TNFRSF1A: variants seen among roughly 807,000 people sequenced by gnomAD.
TNFRSF1A encodes TNF receptor superfamily member 1A, also known as tumor necrosis factor receptor superfamily member 1A.
Under a neutral mutation model 41.6 loss-of-function variants are expected in TNFRSF1A, and 9 were observed. That is an observed-to-expected ratio of 0.22 (90% CI 0.13 to 0.38). TNFRSF1A has a LOEUF of 0.38. TNFRSF1A is among the 10% of genes least tolerant of loss of function. The pLI, the probability that TNFRSF1A is intolerant of heterozygous loss-of-function variation, is 1.00. For missense variants in TNFRSF1A, 463 were observed against 591.5 expected (o/e 0.78, Z 2.25); for synonymous variants, 254 against 248.6 (o/e 1.02, Z -0.21).
Position 6,329,976 on chromosome 12 carries a change from G to C in TNFRSF1A, c.859C>G (p.Pro287Ala), listed in dbSNP as rs775479253. 23 of 1,589,670 alleles carry C rather than the reference G, an allele frequency of 1.4e-5. No homozygotes were observed. Among genetic ancestry groups the C allele is most frequent in the Non-Finnish European group, 9.4e-6 (11 of 1,166,606 alleles). ...GAGGTGAAGGTGGAACTGGGCACGG[G>C]ACTGAAGCCCAGGGTGGGGGTGAAG... ...PGFTPTLGFS[P>A]VPSSTFTSSS... Residue 287 changes from proline (P) to alanine (A), a missense_variant, in exon 9 of 10, where the codon CCC (proline) becomes GCC (alanine). Around this residue, in one of 4 missense-constraint regions of TNFRSF1A, gnomAD observed 277 missense variants for 288.8 expected, o/e 0.96. Transcript: ENST00000162749.
In TNFRSF1A at chr12:6,337,399, G is replaced by T. The variant is rs371860095; in HGVS notation, c.40-3155C>A. ...AGGAGGCTTTAAAGTGTGACTTCCT[G>T]TGCTGGGGCTGCAGAGTGGGGAGGC... On this transcript the variant is annotated intron_variant, in intron 1 of 9. Transcript: ENST00000162749. This position sits in a 1 kb window ranked among gnomAD's most constrained non-coding sequence, Gnocchi z 4.6. 9.8e-5 allele frequency among the ~76,000 whole-genome samples: 15 copies of T among 152,350 alleles called. No homozygotes were observed. In the East Asian group the frequency reaches 1.2e-3, roughly 12 times the overall value.
Position 6,341,716 on chromosome 12 carries a change from C to T in TNFRSF1A, c.39+60G>A. 5 of 1,602,934 alleles carry T rather than the reference C, an allele frequency of 3.1e-6. No individual in the cohort carries two copies. The highest frequency in any genetic ancestry group is 4.3e-6 in the Non-Finnish European group (5 of 1,173,066). On this transcript the variant is annotated intron_variant, in intron 1 of 9. Coordinates refer to ENST00000162749, the MANE Select transcript of TNFRSF1A (RefSeq NM_001065.4). This position sits in a 1 kb window ranked among gnomAD's most constrained non-coding sequence, Gnocchi z 4.6. The stretch of plus-strand genomic sequence containing the variant: ...GCTCGGCCCCCTCCCGGAGAGGGCC[C>T]ACGCCAGCCGGAAGGTGCCTCGCCC...
intron 7 of TNFRSF1A, 136 bp from the exon 8 acceptor site, chr12:6,330,431 T>G: frequency 1.9e-6 from 2 of 1,043,724 alleles, no homozygotes; most frequent in Non-Finnish European, 3.0e-6. Flanking sequence ...GAGCTACTGA[T>G]GCAGCTCGAC....
chr12:6,340,408 G>A (rs117775665), intron 1 of TNFRSF1A, among the ~76,000 whole-genome samples: 2,266 of 152,302 alleles, frequency 0.015, 71 homozygotes, highest in East Asian at 0.08. Flanking sequence ...GAGGGAGCCA[G>A]GGGCCGCCCC....
Position 6,341,677 on chromosome 12 carries a change from C to A in TNFRSF1A, c.39+99G>T. ...GCCTGAGGCTGGCGCCAGGACCAGG[C>A]CCGGGCAGGAGAGGCTCGGCCCCCT... On this transcript the variant is annotated intron_variant, in intron 1 of 9. Coordinates refer to ENST00000162749, the MANE Select transcript of TNFRSF1A (RefSeq NM_001065.4). This position sits in a 1 kb window ranked among gnomAD's most constrained non-coding sequence, Gnocchi z 4.6. 7.1e-7 allele frequency: 1 copy of A among 1,416,996 alleles called. No homozygotes were observed. Among genetic ancestry groups the A allele is most frequent in the Non-Finnish European group, 9.9e-7 (1 of 1,015,066 alleles). 87.8% of individuals were successfully genotyped at this position (1,416,996 alleles called of 1,614,324 possible).
At chr12:6,336,094 T>C (rs923402797) in intron 1 of TNFRSF1A, among the ~76,000 whole-genome samples, 8 of 152,174 alleles carry the variant, frequency 5.3e-5, no homozygotes, top group African/African-American at 1.7e-4. Flanking sequence ...CTGGAGCACC[T>C]AAGGTCACTG....
At chr12:6,330,755 G>A (rs771436168) in intron 6 of TNFRSF1A, 44 bp from the exon 7 acceptor site, 1 of 1,585,298 alleles carries the variant, frequency 6.3e-7, no homozygotes, top group South Asian at 1.1e-5. Context: ...GGCAGAGGGG[G>A]GCCGCAGGGA....
Position 6,329,267 on chromosome 12 carries a change from C to T in TNFRSF1A, c.*45G>A, listed in dbSNP as rs201961847. The T allele has an allele frequency of 7.0e-7, 1 of 1,426,854 alleles. No homozygotes were observed. The highest frequency in any genetic ancestry group is 9.1e-7 in the Non-Finnish European group (1 of 1,096,850). The allele number at this position is 1,426,854 out of a possible 1,614,324, so 88.4% of individuals were successfully genotyped here. ...TCCAGAAAAAAGTGGGGTTGGAAGGCGATCTCGCAGGACGGTCCTTAGAGC... is the reference window on the plus strand; with the variant it reads ...TCCAGAAAAAAGTGGGGTTGGAAGGTGATCTCGCAGGACGGTCCTTAGAGC... On this transcript the variant is annotated 3_prime_UTR_variant, in exon 10 of 10. Coordinates refer to ENST00000162749, the MANE Select transcript of TNFRSF1A (RefSeq NM_001065.4).
chr12:6,333,537 G>A lies in TNFRSF1A; in HGVS notation c.323-21C>T. 6.2e-7 allele frequency: 1 copy of A among 1,614,040 alleles called. No individual in the cohort carries two copies. Among genetic ancestry groups the A allele is most frequent in the South Asian group, 1.1e-5 (1 of 91,064 alleles). ...CATTTCTGGTGAGGGGAGAAGATGG[G>A]GTATGAGTCCTGCATCCTCCTGTCC... On this transcript the variant is annotated intron_variant, in intron 3 of 9. Coordinates refer to ENST00000162749, the MANE Select transcript of TNFRSF1A (RefSeq NM_001065.4). This position sits in a 1 kb window ranked among gnomAD's most constrained non-coding sequence, Gnocchi z 6.3.
rs1215583006 is a variant in TNFRSF1A, at chr12:6,333,822, C to G, written c.237G>C (p.Thr79=). 3 of 1,596,650 alleles carry G rather than the reference C, an allele frequency of 1.9e-6. No homozygotes were observed. The highest frequency in any genetic ancestry group is 2.6e-6 in the Non-Finnish European group (3 of 1,171,104). ...YNDCPGPGQD[T]DCRECESGSF... ...AGCCGCTCTCACACTCCCTGCAGTCCGTATCCTGCCCCGGGCCTGGACAGT... is the reference window on the plus strand; with the variant it reads ...AGCCGCTCTCACACTCCCTGCAGTCGGTATCCTGCCCCGGGCCTGGACAGT... Residue 79 remains threonine, a synonymous_variant, in exon 3 of 10, where the codon ACG becomes ACC. Coordinates refer to ENST00000162749, the MANE Select transcript of TNFRSF1A (RefSeq NM_001065.4). The surrounding 1 kb of genome is among the most constrained non-coding windows in gnomAD (Gnocchi z 6.3).
intron 5 of TNFRSF1A, chr12:6,331,669 C>T (rs553687882): frequency 6.0e-6 from 1 of 167,840 alleles, no homozygotes; most frequent in East Asian, 1.8e-4. Flanking sequence ...ACCACTCAAG[C>T]TCATGGTGAG....
Position 6,334,067 on chromosome 12 carries a change from T to C in TNFRSF1A, c.193+24A>G, listed in dbSNP as rs777486373. The stretch of plus-strand genomic sequence containing the variant: ...AAGCAGCACCCCAGACCTGAGGGCA[T>C]TCACCGTTTCCACTTGCCCCTACCT... On this transcript the variant is annotated intron_variant, in intron 2 of 9. Coordinates refer to ENST00000162749, the MANE Select transcript of TNFRSF1A (RefSeq NM_001065.4). The surrounding 1 kb of genome is among the most constrained non-coding windows in gnomAD (Gnocchi z 5.1). 6.2e-7 allele frequency: 1 copy of C among 1,614,160 alleles called. No individual in the cohort carries two copies. The highest frequency in any genetic ancestry group is 1.1e-5 in the South Asian group (1 of 91,086).
At chr12:6,340,212 C>A (rs1352068512) in intron 1 of TNFRSF1A, among the ~76,000 whole-genome samples, 1 of 152,192 alleles carries the variant, frequency 6.6e-6, no homozygotes, top group Non-Finnish European at 1.5e-5. Flanking sequence ...ATCCCAGCAC[C>A]TATCACAGTG....
chr12:6,334,201 A>C lies in TNFRSF1A; in HGVS notation c.83T>G (p.Ile28Ser). Residue 28 changes from isoleucine (I) to serine (S), a missense_variant, in exon 2 of 10, where the codon ATT becomes AGT. Around this residue, in one of 4 missense-constraint regions of TNFRSF1A, gnomAD observed 37 missense variants for 46.5 expected, o/e 0.80. Transcript: ENST00000162749. The surrounding 1 kb of genome is among the most constrained non-coding windows in gnomAD (Gnocchi z 5.1). The stretch of plus-strand genomic sequence containing the variant: ...GTCCCCTAGGTGAGGGACCAGTCCA[A>C]TAACCCCTGAGGGGTATATTCCCAC... ...LLVGIYPSGV[I>S]GLVPHLGDRE... 6.2e-7 allele frequency: 1 copy of C among 1,614,094 alleles called. No homozygotes were observed. Among genetic ancestry groups the C allele is most frequent in the South Asian group, 1.1e-5 (1 of 91,076 alleles).
chr12:6,331,039 T>A, intron 5 of TNFRSF1A, 113 bp from the exon 6 acceptor site: 1 of 879,238 alleles, frequency 1.1e-6, no homozygotes, highest in Non-Finnish European at 1.8e-6. Flanking sequence ...TGCTGTCTCT[T>A]GATATAATTT....
At position 6,330,652 on chromosome 12, in the gene TNFRSF1A, A is replaced by G; in HGVS notation, c.685T>C (p.Phe229Leu). The change falls in exon 7 of 10, where the codon TTC (phenylalanine) becomes CTC (leucine). Residue 229 changes from phenylalanine to leucine, a missense_variant. By Grantham distance (22) the Phe-to-Leu change is conservative. Around this residue, in one of 4 missense-constraint regions of TNFRSF1A, gnomAD observed 149 missense variants for 239.4 expected, o/e 0.62. Transcript: ENST00000162749. ...FFGLCLLSLLFIGLMYRYQRW... is the reference protein window; with the variant it reads ...FFGLCLLSLLLIGLMYRYQRW... ...TGGTAGCGATACATTAAACCAATGA[A>G]GAGGAGGGATAAAAGGCAAAGACCA... 1 of 1,614,000 alleles carries G rather than the reference A, an allele frequency of 6.2e-7. No homozygotes were observed. The highest frequency in any genetic ancestry group is 8.5e-7 in the Non-Finnish European group (1 of 1,179,882).
intron 7 of TNFRSF1A, 105 bp from the exon 8 acceptor site, chr12:6,330,400 T>A (rs1948033666): frequency 1.7e-6 from 2 of 1,196,784 alleles, no homozygotes; most frequent in African/African-American, 3.0e-5. Flanking sequence ...CCTCAGGGCC[T>A]ATGTGGCCCC....
At chr12:6,331,235 G>T in intron 5 of TNFRSF1A, 1 of 443,728 alleles carries the variant, frequency 2.3e-6, no homozygotes, top group Admixed American at 3.4e-5. Context: ...CCCAAGCCTC[G>T]GTTTCCTCAT....
At chr12:6,330,178 G>T in intron 8 of TNFRSF1A, 89 bp downstream of exon 8, 1 of 1,611,468 alleles carries the variant, frequency 6.2e-7, no homozygotes, top group South Asian at 1.1e-5. Context: ...CCCCCGGAAA[G>T]TGAAGGATGA....
Sources: gnomAD v4.1 joint callset for allele counts (sites outside exome capture counted in the v4.1 genomes callset) on GRCh38, gnomAD v4.1.1 for gene constraint, gnomAD v4.1.1 regional missense constraint, Gnocchi (gnomAD v3.1) non-coding constraint, MANE v1.5 for transcripts, NCBI Gene and HGNC (gene_info 2026-07-23, HGNC 2026-07-21) for gene names.